The following EPN2 variants were observed in gnomAD, a reference collection of about 807,000 sequenced individuals.
The protein encoded by EPN2 is epsin 2.
A neutral mutation model predicts 61.7 loss-of-function variants in EPN2; 34 were observed. The ratio of observed to expected loss-of-function variants is 0.55; its 90% CI spans 0.42 to 0.73. EPN2 has a LOEUF of 0.73. Among genes scored for constraint, EPN2 ranks in the 30% least tolerant of loss-of-function variants. EPN2 has a pLI of 0.00. For missense variants in EPN2, 714 were observed against 839.2 expected, an observed-to-expected ratio of 0.85 and a Z score of 1.84; for synonymous variants, 349 against 353.6, an observed-to-expected ratio of 0.99 and a Z score of 0.15.
At chr17:19,267,238 T>A (rs4608393) in intron 1 of EPN2, among the ~76,000 whole-genome samples, 4 of 151,620 alleles carry the variant, frequency 2.6e-5, no homozygotes, top group Admixed American at 1.3e-4. Flanking sequence ...TGAGGACGTG[T>A]GTGGTGACCA....
intron 7 of EPN2, among the ~76,000 whole-genome samples, chr17:19,318,612 G>A (rs1166302201): frequency 1.4e-5 from 2 of 146,394 alleles, no homozygotes; most frequent in African/African-American, 2.5e-5. Context: ...TTTCAACATT[G>A]TGCATGATAC....
intron 6 of EPN2, 82 bp from the exon 7 acceptor site, chr17:19,313,023 G>C: frequency 7.0e-7 from 1 of 1,437,528 alleles, no homozygotes; most frequent in Non-Finnish European, 9.5e-7. Flanking sequence ...AGGCACAGGT[G>C]GGTGATATTT....
chr17:19,315,348 G>C (rs1299858487), intron 7 of EPN2, among the ~76,000 whole-genome samples: 2 of 152,168 alleles, frequency 1.3e-5, no homozygotes, highest in Non-Finnish European at 2.9e-5. Flanking sequence ...AGGAGTCCAG[G>C]GGGTGTGAGC....
At position 19,308,352 on chromosome 17, in the gene EPN2, G is replaced by A. The variant is rs1234311638; in HGVS notation, c.767-1533G>A. On this transcript the variant is annotated intron_variant, in intron 4 of 10. Coordinates refer to ENST00000314728, the MANE Select transcript of EPN2 (RefSeq NM_014964.5). ...GCCTCCCAAAGTGCTAGGATTACAG[G>A]CATAAGCCGCCATGCCCGGCACAAT... 8.1e-6 allele frequency: 8 copies of A among 984,016 alleles called. No individual in the cohort carries two copies. The African/African-American group carries it at 1.4e-4, about 17-fold the overall frequency. 61.0% of individuals were successfully genotyped at this position (984,016 alleles called of 1,614,324 possible).
intron 1 of EPN2, among the ~76,000 whole-genome samples, chr17:19,238,109 TCCCCACTCCCCAGC>T (rs1432733469): frequency 6.6e-6 from 1 of 151,912 alleles, no homozygotes. Flanking sequence ...GGGACCAGGC[TCCCCACTCCCCAGC>T]CCCCACTCCC....
intron 1 of EPN2, among the ~76,000 whole-genome samples, chr17:19,259,474 GGC>G (rs2045117079): frequency 6.6e-6 from 1 of 151,950 alleles, no homozygotes; most frequent in Non-Finnish European, 1.5e-5. Context: ...CACCACGCCT[GGC>G]TAACTTTTTG....
At chr17:19,288,904 C>T (rs2045431067) in intron 4 of EPN2, among the ~76,000 whole-genome samples, 1 of 151,924 alleles carries the variant, frequency 6.6e-6, no homozygotes, top group Non-Finnish European at 1.5e-5. Flanking sequence ...CTTTCACTCA[C>T]AGTGAGATGG....
Position 19,285,550 on chromosome 17 carries a change from C to CT in EPN2, c.596-69dup. Reference sequence around the variant, plus strand: ...CCCGAGTGGCCTTGGCCCGTACCTCCTGCAGGGGCTGCTGCGCACCCTCTA... The same window carrying CT: ...CCCGAGTGGCCTTGGCCCGTACCTCCTTGCAGGGGCTGCTGCGCACCCTCTA... On this transcript the variant is annotated intron_variant, in intron 3 of 10. Coordinates refer to ENST00000314728, the MANE Select transcript of EPN2 (RefSeq NM_014964.5). The surrounding 1 kb of genome is among the most constrained non-coding windows in gnomAD (Gnocchi z 4.5). 1 of 1,394,110 alleles carries CT rather than the reference C, an allele frequency of 7.2e-7. No homozygotes were observed. Among genetic ancestry groups the CT allele is most frequent in the Non-Finnish European group, 9.3e-7 (1 of 1,069,736 alleles). 86.4% of individuals were successfully genotyped at this position (1,394,110 alleles called of 1,614,324 possible). A position where few individuals can be genotyped will look rare whatever the true frequency, so the allele number is the denominator to read the frequency against.
At chr17:19,248,308 ATG>A (rs1417915124) in intron 1 of EPN2, 1 of 152,158 alleles carries the variant, frequency 6.6e-6, no homozygotes, top group Non-Finnish European at 1.5e-5. Flanking sequence ...TAAACAAGGG[ATG>A]GGCAGAAGAG....
intron 4 of EPN2, among the ~76,000 whole-genome samples, chr17:19,297,922 T>C (rs1362803185): frequency 1.3e-5 from 2 of 152,342 alleles, no homozygotes; most frequent in East Asian, 3.9e-4. Flanking sequence ...AGAGTCTCAC[T>C]CTGTCACCCA....
intron 7 of EPN2, among the ~76,000 whole-genome samples, chr17:19,326,503 G>A (rs180985468): frequency 3.4e-4 from 51 of 152,082 alleles, no homozygotes; most frequent in Admixed American, 1.0e-3. Context: ...TGGCTAACAC[G>A]GTGAAACCCC....
At chr17:19,272,963 C>T (rs2045269923) in intron 1 of EPN2, among the ~76,000 whole-genome samples, 1 of 152,332 alleles carries the variant, frequency 6.6e-6, no homozygotes, top group Non-Finnish European at 1.5e-5. Flanking sequence ...GTATTCTACA[C>T]CCACAGGCTG....
intron 9 of EPN2, among the ~76,000 whole-genome samples, chr17:19,331,413 T>A (rs2152240638): frequency 6.6e-6 from 1 of 152,278 alleles, no homozygotes; most frequent in Non-Finnish European, 1.5e-5. Flanking sequence ...CAGCACAGCC[T>A]GTGTTGCCTC....
intron 1 of EPN2, among the ~76,000 whole-genome samples, chr17:19,260,569 G>C (rs1202970778): frequency 6.6e-6 from 1 of 151,728 alleles, no homozygotes; most frequent in Non-Finnish European, 1.5e-5. Context: ...TCTGAGACCT[G>C]TTGGCCAAAG....
chr17:19,313,363 C>T (rs1291547585), intron 7 of EPN2, 84 bp downstream of exon 7: 4 of 1,344,842 alleles, frequency 3.0e-6, no homozygotes, highest in Admixed American at 5.3e-5. Flanking sequence ...CTCTCACCCA[C>T]TTGGGTCTGG....
At position 19,285,421 on chromosome 17, in the gene EPN2, T is replaced by C. The variant is rs565427497; in HGVS notation, c.596-199T>C. Reference sequence around the variant, plus strand: ...GATACTGCTGCAGTTCCAGCTGTGATGTTTTTGGTTCCCTCAGACCTTACG... The same window carrying C: ...GATACTGCTGCAGTTCCAGCTGTGACGTTTTTGGTTCCCTCAGACCTTACG... On this transcript the variant is annotated intron_variant, in intron 3 of 10. Coordinates refer to ENST00000314728, the MANE Select transcript of EPN2 (RefSeq NM_014964.5). This position sits in a 1 kb window ranked among gnomAD's most constrained non-coding sequence, Gnocchi z 4.5. Among the ~76,000 whole-genome samples, 3 of 152,244 alleles carry C rather than the reference T, an allele frequency of 2.0e-5. No homozygotes were observed. Among genetic ancestry groups the C allele is most frequent in the Non-Finnish European group, 2.9e-5 (2 of 68,034 alleles).
At chr17:19,328,657 A>T in intron 7 of EPN2, 54 bp from the exon 8 acceptor site, 3 of 1,496,424 alleles carry the variant, frequency 2.0e-6, no homozygotes. Context: ...TTCTCACCCC[A>T]GCTGCCCAGA....
At chr17:19,279,230 G>A (rs778349944) in intron 1 of EPN2, among the ~76,000 whole-genome samples, 4 of 152,134 alleles carry the variant, frequency 2.6e-5, no homozygotes, top group Non-Finnish European at 5.9e-5. Context: ...GAGGGCAGCG[G>A]CACCTTGGCC....
At chr17:19,270,405 G>A (rs571729016) in intron 1 of EPN2, among the ~76,000 whole-genome samples, 1 of 152,280 alleles carries the variant, frequency 6.6e-6, no homozygotes, top group African/African-American at 2.4e-5. Flanking sequence ...GATGCTTGTG[G>A]ACAATGCCAC....
Sources: allele counts gnomAD v4.1 joint callset (sites outside exome capture counted in the v4.1 genomes callset), GRCh38; gene constraint gnomAD v4.1.1; non-coding constraint Gnocchi (gnomAD v3.1); transcripts MANE v1.5; gene names NCBI Gene and HGNC (gene_info 2026-07-23, HGNC 2026-07-21).